CASP6: variants seen among roughly 807,000 people sequenced by gnomAD.
CASP6 encodes caspase 6, also known as caspase-6.
In CASP6, 20 loss-of-function variants were observed where a neutral mutation model predicts 31.8. The observed-to-expected ratio is 0.63, with a 90% CI of 0.44 to 0.91. The LOEUF (loss-of-function observed/expected upper bound fraction) is 0.91. Among genes scored for constraint, CASP6 ranks in the 40% least tolerant of loss-of-function variants. The pLI is 0.00. For missense variants in CASP6, 328 were observed against 361.1 expected (o/e 0.91, Z 0.74); for synonymous variants, 130 against 127.8 (o/e 1.02, Z -0.12).
At chr4:109,677,382 G>C in the CASP6 span, among the ~76,000 whole-genome samples, 1 of 152,148 alleles carries the variant, frequency 6.6e-6, no homozygotes, top group East Asian at 1.9e-4. Context: ...TGAGACTTTG[G>C]AATTGGACTT....
chr4:109,690,949 T>A lies in CASP6; in HGVS notation c.544A>T (p.Thr182Ser), dbSNP rs5030593. 1.3e-3 allele frequency: 2,030 copies of A among 1,613,954 alleles called. 18 individuals are homozygous for A. The African/African-American group carries it at 0.024, about 19-fold the overall frequency. Residue 182 changes from threonine (T) to serine (S), a missense_variant, in exon 6 of 7, where the codon ACA (threonine) becomes TCA (serine). Transcript: ENST00000265164. ...GTTATGTTGGTGTCCAACTTCTCTG[T>A]CTGATTATCTACTACATCCAAAGGA... ...VIPLDVVDNQ[T>S]EKLDTNITEV...
chr4:109,679,787 TTTGTTGTTGTTGTTG>T, the CASP6 span, among the ~76,000 whole-genome samples: 1,654 of 151,662 alleles, frequency 0.011, 34 homozygotes, highest in African/African-American at 0.038. Context: ...GAGGTATAAT[TTTGTTGTTGTTGTTG>T]TTGTTGTTGT....
At chr4:109,689,710 A>AT (rs1054368680) in intron 6 of CASP6, 142 bp from the exon 7 acceptor site, 15 of 694,720 alleles carry the variant, frequency 2.2e-5, no homozygotes, top group African/African-American at 1.1e-4. Context: ...TGGCTTTTAA[A>AT]TTTTTTTGAC....
At chr4:109,679,478 T>C in the CASP6 span, among the ~76,000 whole-genome samples, 1 of 152,060 alleles carries the variant, frequency 6.6e-6, no homozygotes, top group African/African-American at 2.4e-5. Context: ...AAACCCCGTC[T>C]CCACCAAAAA....
At chr4:109,667,406 A>G in the CASP6 span, among the ~76,000 whole-genome samples, 1 of 151,842 alleles carries the variant, frequency 6.6e-6, no homozygotes, top group Admixed American at 6.6e-5. Context: ...TTTCCTTTTA[A>G]TGTCCATGGG....
chr4:109,673,837 A>G, the CASP6 span: 2 of 740,240 alleles, frequency 2.7e-6, no homozygotes, highest in Admixed American at 3.8e-5. Context: ...TCTTCAAGCA[A>G]TCACTATGTC....
At chr4:109,668,885 A>G in the CASP6 span, among the ~76,000 whole-genome samples, 1 of 152,042 alleles carries the variant, frequency 6.6e-6, no homozygotes, top group Admixed American at 6.6e-5. Flanking sequence ...ATAACATTAT[A>G]TTGCTTCACG....
chr4:109,674,543 C>T, the CASP6 span, among the ~76,000 whole-genome samples: 5 of 152,314 alleles, frequency 3.3e-5, no homozygotes, highest in African/African-American at 1.2e-4. Flanking sequence ...GTTTTGTGGA[C>T]TGGCTGACTC....
chr4:109,680,513 C>T, the CASP6 span, among the ~76,000 whole-genome samples: 1 of 145,350 alleles, frequency 6.9e-6, no homozygotes. Context: ...CTTTGCCTAT[C>T]TTCCATCTAT....
At chr4:109,700,425 G>A (rs540765985) in intron 1 of CASP6, among the ~76,000 whole-genome samples, 5 of 152,278 alleles carry the variant, frequency 3.3e-5, no homozygotes, top group African/African-American at 1.2e-4. Context: ...GGAAGGCCAA[G>A]GCAGGAGGAT....
intron 5 of CASP6, chr4:109,692,421 T>C (rs1374557207): frequency 6.6e-6 from 1 of 152,200 alleles, no homozygotes; most frequent in Non-Finnish European, 1.5e-5. Context: ...ACCAAGAATC[T>C]AAGGCATAGA....
At chr4:109,705,857 G>A (rs1049709921), upstream of CASP6, among the ~76,000 whole-genome samples, 2 of 143,612 alleles carry the variant, frequency 1.4e-5, no homozygotes. Context: ...GCACATGCCT[G>A]TATTCCCAGC....
the CASP6 span, chr4:109,682,878 C>T: frequency 1.6e-6 from 1 of 617,294 alleles, no homozygotes; most frequent in Non-Finnish European, 2.8e-6. Flanking sequence ...CCTGTAAGTT[C>T]AGTGCTTTTA....
the CASP6 span, among the ~76,000 whole-genome samples, chr4:109,668,381 T>C: frequency 6.6e-6 from 1 of 152,266 alleles, no homozygotes; most frequent in South Asian, 2.1e-4. Flanking sequence ...TTTATTATTA[T>C]GTAATGTCTC....
At chr4:109,664,423 T>A in the CASP6 span, 4 of 148,020 alleles carry the variant, frequency 2.7e-5, no homozygotes, top group Non-Finnish European at 3.2e-5. Flanking sequence ...CAACTATTAC[T>A]TTTTTTTTTT....
chr4:109,704,106 C>T (rs917077012), upstream of CASP6, among the ~76,000 whole-genome samples: 1 of 152,194 alleles, frequency 6.6e-6, no homozygotes, highest in African/African-American at 2.4e-5. Flanking sequence ...TCTCTCTCCC[C>T]CTCCTGGGGC....
chr4:109,684,442 G>A (rs1326861580), downstream of CASP6: 1 of 1,606,440 alleles, frequency 6.2e-7, no homozygotes. Flanking sequence ...TTCCCCCTCA[G>A]GTGAAAGCTG....
chr4:109,697,379 CT>C lies in CASP6; in HGVS notation c.230+242del, dbSNP rs1271205377. Among the ~76,000 whole-genome samples, 70 of 151,922 alleles carry C rather than the reference CT, an allele frequency of 4.6e-4. 1 individual carries two copies. Among genetic ancestry groups the C allele is most frequent in the African/African-American group, 1.7e-3 (70 of 41,416 alleles). On this transcript the variant is annotated intron_variant, in intron 3 of 6. Transcript: ENST00000265164. ...CTTGAACTCCTGGGATCAAGCAATC[CT>C]CCCCCTTCAGCCTCCAGAGTAGCTG...
chr4:109,697,594 C>A (rs200684565), intron 3 of CASP6, 28 bp downstream of exon 3: 4 of 1,588,616 alleles, frequency 2.5e-6, no homozygotes, highest in Non-Finnish European at 3.4e-6. Flanking sequence ...TTAACTGCCT[C>A]ATCTTGATAG....
Sources: allele counts gnomAD v4.1 joint callset (sites outside exome capture counted in the v4.1 genomes callset), GRCh38; gene constraint gnomAD v4.1.1; transcripts MANE v1.5; gene names NCBI Gene and HGNC (gene_info 2026-07-23, HGNC 2026-07-21).